ATP6V0A2: variants seen among roughly 807,000 people sequenced by gnomAD.
ATP6V0A2 encodes ATPase H+ transporting V0 subunit a2, also known as V-type proton ATPase 116 kDa subunit a 2.
ATP6V0A2 carries 58 observed loss-of-function variants against 104.4 expected under a neutral mutation model. The observed-to-expected ratio is 0.56, with a 90% CI of 0.45 to 0.69. The LOEUF (loss-of-function observed/expected upper bound fraction) is 0.69, where lower values mean the gene tolerates loss of function less well. Among genes scored for constraint, ATP6V0A2 ranks in the 30% least tolerant of loss-of-function variants. The pLI is 0.00. For missense variants in ATP6V0A2, 938 were observed against 1,062.9 expected (o/e 0.88, Z 1.63); for synonymous variants, 376 against 397.9 (o/e 0.95, Z 0.65).
In ATP6V0A2 at chr12:123,725,765, G is replaced by A. The variant is rs553437023; in HGVS notation, c.433-432G>A. The stretch of plus-strand genomic sequence containing the variant: ...TGCGCCACTGCACTCCAGCCTGGGC[G>A]ACAGAGTGAGACCCTGTACCCTGTA... On this transcript the variant is annotated intron_variant, in intron 4 of 19. Coordinates refer to ENST00000330342, the MANE Select transcript of ATP6V0A2 (RefSeq NM_012463.4). Among the ~76,000 whole-genome samples the A allele has an allele frequency of 1.0e-4, 15 of 150,172 alleles. 1 individual carries two copies. The South Asian group carries it at 3.0e-3, about 30-fold the overall frequency.
chr12:123,719,468 A>G (rs571190588), intron 2 of ATP6V0A2, among the ~76,000 whole-genome samples: 2 of 151,034 alleles, frequency 1.3e-5, no homozygotes, highest in African/African-American at 4.9e-5. Flanking sequence ...CTCACTGCAG[A>G]CTCCGCCTCC....
chr12:123,735,142 C>CGTGT (rs56266144), intron 7 of ATP6V0A2, among the ~76,000 whole-genome samples: 10,220 of 148,192 alleles, frequency 0.069, 533 homozygotes, highest in African/African-American at 0.15. Flanking sequence ...CTTTTGTTTT[C>CGTGT]GTGTGTGTGT....
At chr12:123,713,396 T>A (rs1315416923) in intron 1 of ATP6V0A2, among the ~76,000 whole-genome samples, 1 of 152,168 alleles carries the variant, frequency 6.6e-6, no homozygotes, top group East Asian at 1.9e-4. Context: ...CCCCAACAAG[T>A]AATAATAAAC....
Position 123,737,044 on chromosome 12 carries a change from G to A in ATP6V0A2, c.826-15G>A. 6.2e-7 allele frequency: 1 copy of A among 1,613,938 alleles called. No individual in the cohort carries two copies. Among genetic ancestry groups the A allele is most frequent in the Non-Finnish European group, 8.5e-7 (1 of 1,179,798 alleles). ...CATGCCCACTCCACTGAAAGCCCCT[G>A]TTGTTCTTCCCCAGGTACTGCACAA... is the stretch of plus-strand genomic sequence containing the variant. On this transcript the variant is annotated splice_polypyrimidine_tract_variant and intron_variant, in intron 8 of 19. Coordinates refer to ENST00000330342, the MANE Select transcript of ATP6V0A2 (RefSeq NM_012463.4).
intron 15 of ATP6V0A2, chr12:123,750,870 C>T: frequency 1.9e-6 from 1 of 521,176 alleles, no homozygotes; most frequent in Admixed American, 3.2e-5. Context: ...GTAAAGTTTC[C>T]TTGCTGGTCT....
chr12:123,742,144 A>G (rs1000560637), intron 9 of ATP6V0A2, among the ~76,000 whole-genome samples: 4 of 152,114 alleles, frequency 2.6e-5, no homozygotes, highest in African/African-American at 9.7e-5. Flanking sequence ...ACCCCTGCAG[A>G]CTTCACTGCC....
rs375535547 is a variant in ATP6V0A2 at position 123,712,602 on chromosome 12, G to A, written c.37G>A (p.Ala13Thr). 6.9e-6 allele frequency: 11 copies of A among 1,603,352 alleles called. No homozygotes were observed. The highest frequency in any genetic ancestry group is 9.4e-6 in the Non-Finnish European group (11 of 1,176,260). Residue 13 changes from alanine to threonine, a missense_variant, in exon 1 of 20, where the codon GCG becomes ACG. Coordinates refer to ENST00000330342, the MANE Select transcript of ATP6V0A2 (RefSeq NM_012463.4). ...SLFRSETMCLAQLFLQSGTAY... is the reference protein window; with the variant it reads ...SLFRSETMCLTQLFLQSGTAY... ...GTTCCGGAGCGAGACCATGTGCCTG[G>A]CGCAGCTCTTCCTGCAGTCGGGCAC...
chr12:123,743,772 G>GT lies in ATP6V0A2; in HGVS notation c.1039-10dup, dbSNP rs774592225. The GT allele has an allele frequency of 1.9e-6, 3 of 1,613,812 alleles. No homozygotes were observed. Among genetic ancestry groups the GT allele is most frequent in the South Asian group, 2.2e-5 (2 of 91,078 alleles). On this transcript the variant is annotated splice_polypyrimidine_tract_variant and intron_variant, in intron 9 of 19. Coordinates refer to ENST00000330342, the MANE Select transcript of ATP6V0A2 (RefSeq NM_012463.4). Reference sequence around the variant, plus strand: ...GGATAGTAATTTTTTATCTTTCCTTGTTTATGTGGAAGAGAGAGAGTGGTG... The same window carrying GT: ...GGATAGTAATTTTTTATCTTTCCTTGTTTTATGTGGAAGAGAGAGAGTGGTG...
At chr12:123,723,395 A>T (rs1424060734) in intron 3 of ATP6V0A2, 1 of 151,864 alleles carries the variant, frequency 6.6e-6, no homozygotes, top group African/African-American at 2.4e-5. Context: ...TGCTTCTGTT[A>T]TTTTAATACT....
chr12:123,729,222 C>T (rs1171428523), intron 6 of ATP6V0A2, among the ~76,000 whole-genome samples: 2 of 151,934 alleles, frequency 1.3e-5, no homozygotes, highest in Admixed American at 6.6e-5. Flanking sequence ...TTACATGTTC[C>T]CATCACTTTT....
intron 6 of ATP6V0A2, among the ~76,000 whole-genome samples, chr12:123,729,236 GCA>G (rs1956476889): frequency 6.6e-6 from 1 of 150,860 alleles, no homozygotes; most frequent in Admixed American, 6.6e-5. Flanking sequence ...CACTTTTTGA[GCA>G]CTTGTTTGTA....
chr12:123,724,803 C>A lies in ATP6V0A2; in HGVS notation c.432+12C>A. On this transcript the variant is annotated intron_variant, in intron 4 of 19. Transcript: ENST00000330342. The stretch of plus-strand genomic sequence containing the variant: ...AACGCAATGTTGAGGTACTGAACAG[C>A]TCGTGAGGAAATACAGCTGTTTTTA... The A allele has an allele frequency of 6.2e-7, 1 of 1,612,730 alleles. No individual in the cohort carries two copies. The highest frequency in any genetic ancestry group is 8.5e-7 in the Non-Finnish European group (1 of 1,178,914).
intron 1 of ATP6V0A2, among the ~76,000 whole-genome samples, chr12:123,716,459 T>C (rs531930031): frequency 6.6e-6 from 1 of 152,152 alleles, no homozygotes; most frequent in Non-Finnish European, 1.5e-5. Flanking sequence ...TACACAACTT[T>C]ATTGAGGTGT....
chr12:123,749,841 G>C (rs1020625765), intron 15 of ATP6V0A2, among the ~76,000 whole-genome samples: 3 of 152,098 alleles, frequency 2.0e-5, no homozygotes, highest in Non-Finnish European at 4.4e-5. Context: ...GCCGTGTTTT[G>C]GTTTTTCATC....
chr12:123,752,453 CAT>C (rs1338992411), intron 17 of ATP6V0A2, 51 bp downstream of exon 17: 2 of 1,601,112 alleles, frequency 1.2e-6, no homozygotes, highest in African/African-American at 2.7e-5. Flanking sequence ...ACCAAGCTTC[CAT>C]AGAGATAATC....
At chr12:123,756,101 C>T (rs1345887093) in intron 18 of ATP6V0A2, among the ~76,000 whole-genome samples, 2 of 148,500 alleles carry the variant, frequency 1.3e-5, no homozygotes, top group Admixed American at 6.7e-5. Context: ...AAAAAAAAAC[C>T]GAAAAACAAC....
chr12:123,729,116 T>C (rs1956476103), intron 6 of ATP6V0A2, among the ~76,000 whole-genome samples: 1 of 152,230 alleles, frequency 6.6e-6, no homozygotes, highest in Non-Finnish European at 1.5e-5. Context: ...CTATTTTATT[T>C]GATGGGTTCC....
chr12:123,716,320 GC>G lies in ATP6V0A2; in HGVS notation c.118-2297del, dbSNP rs375969338. Among the ~76,000 whole-genome samples, 242 of 152,034 alleles carry G rather than the reference GC, an allele frequency of 1.6e-3. 1 individual carries two copies. Among genetic ancestry groups the G allele is most frequent in the African/African-American group, 5.3e-3 (218 of 41,468 alleles). On this transcript the variant is annotated intron_variant, in intron 1 of 19. Transcript: ENST00000330342. ...GACCTCAAGTCATCCCCCCACCTTG[GC>G]CCCCCAGAGTGCTGGGATTACAAGC...
chr12:123,737,317 A>G (rs371482543), intron 9 of ATP6V0A2, 46 bp downstream of exon 9: 4 of 1,564,874 alleles, frequency 2.6e-6, no homozygotes, highest in Non-Finnish European at 3.5e-6. Context: ...AGAGAGACTG[A>G]TGGAACTGAT....
Sources: allele counts gnomAD v4.1 joint callset (sites outside exome capture counted in the v4.1 genomes callset), GRCh38; gene constraint gnomAD v4.1.1; transcripts MANE v1.5; gene names NCBI Gene and HGNC (gene_info 2026-07-23, HGNC 2026-07-21).